Variants in SDK1 observed in about 807,000 individuals in gnomAD.
SDK1 encodes sidekick cell adhesion molecule 1.
A neutral mutation model predicts 245.5 loss-of-function variants in SDK1; 157 were observed. The observed-to-expected ratio is 0.64, with a 90% CI of 0.56 to 0.73. SDK1 has a LOEUF of 0.73. Among genes scored for constraint, SDK1 ranks in the 30% least tolerant of loss-of-function variants. The pLI, the probability that SDK1 is intolerant of heterozygous loss-of-function variation, is 0.00. For synonymous variants in SDK1, 1,647 were observed against 1,278.5 expected, an observed-to-expected ratio of 1.29 and a Z score of -6.15; for missense variants, 3,583 against 3,002.3, an observed-to-expected ratio of 1.19 and a Z score of -4.52.
At chr7:3,660,086 A>T (rs548181835) in intron 4 of SDK1, among the ~76,000 whole-genome samples, 1 of 152,274 alleles carries the variant, frequency 6.6e-6, no homozygotes, top group Admixed American at 6.5e-5. Context: ...CAGACCGGAG[A>T]CAGAATATTG....
intron 2 of SDK1, among the ~76,000 whole-genome samples, chr7:3,619,780 G>A (rs180821513): frequency 2.3e-3 from 357 of 152,350 alleles, no homozygotes; most frequent in Non-Finnish European, 3.6e-3. Context: ...CCAGCACTGT[G>A]CCAGTCACCA....
intron 1 of SDK1, among the ~76,000 whole-genome samples, chr7:3,507,316 T>C (rs1053523316): frequency 4.6e-5 from 7 of 152,248 alleles, no homozygotes; most frequent in African/African-American, 1.7e-4. Context: ...TGCGGATTTC[T>C]GGACCTCTTT....
At chr7:3,820,185 C>G (rs1779609340) in intron 4 of SDK1, among the ~76,000 whole-genome samples, 1 of 152,172 alleles carries the variant, frequency 6.6e-6, no homozygotes, top group South Asian at 2.1e-4. Context: ...GAGTCTTGCT[C>G]TGTCACCAGG....
chr7:3,882,210 C>G (rs1281393548), intron 5 of SDK1, among the ~76,000 whole-genome samples: 1 of 152,036 alleles, frequency 6.6e-6, no homozygotes, highest in African/African-American at 2.4e-5. Context: ...GCCGGTCCCT[C>G]CAAAACACGT....
intron 1 of SDK1, among the ~76,000 whole-genome samples, chr7:3,464,175 A>C (rs569078217): frequency 1.3e-5 from 2 of 152,194 alleles, no homozygotes; most frequent in African/African-American, 2.4e-5. Flanking sequence ...TACATGTTCC[A>C]AGTATATGAA....
In SDK1 at chr7:4,265,330, C is replaced by A. The variant is rs770803179; in HGVS notation, c.6588C>A (p.Thr2196=). The A allele has an allele frequency of 3.4e-6, 5 of 1,479,418 alleles. No homozygotes were observed. The highest frequency in any genetic ancestry group is 4.4e-6 in the Non-Finnish European group (5 of 1,128,734). 91.6% of individuals were successfully genotyped at this position (1,479,418 alleles called of 1,614,324 possible). A position where few individuals can be genotyped will look rare whatever the true frequency, so the allele number is the denominator to read the frequency against. The change falls in exon 45 of 45, where the codon ACC becomes ACA. Residue 2196 remains threonine (T), a synonymous_variant. Transcript: ENST00000404826. ...CGCAGAGCGCGGGCGGCGTCTACAC[C>A]CCCGCTGGCCCCGGCGCGCGAACTC... ...ITTQSAGGVY[T]PAGPGARTPL... is the part of the protein sequence containing the mutation.
At chr7:3,701,655 GC>G (rs1389259834) in intron 4 of SDK1, among the ~76,000 whole-genome samples, 2 of 152,148 alleles carry the variant, frequency 1.3e-5, no homozygotes, top group Admixed American at 1.3e-4. Flanking sequence ...AAGCAAAGGA[GC>G]TGGAATAGGT....
intron 22 of SDK1, among the ~76,000 whole-genome samples, chr7:4,084,662 A>ATAATGT (rs1321619109): frequency 2.1e-5 from 3 of 140,240 alleles, no homozygotes; most frequent in African/African-American, 5.4e-5. Context: ...CCTTAAATGT[A>ATAATGT]TATGTTATGT....
chr7:4,192,651 C>T (rs115658011), intron 35 of SDK1, among the ~76,000 whole-genome samples: 2 of 152,104 alleles, frequency 1.3e-5, no homozygotes, highest in Admixed American at 6.5e-5. Context: ...ATTATGGTAT[C>T]GTAGAAGCAT....
chr7:3,998,117 C>T (rs1784815223), intron 14 of SDK1, among the ~76,000 whole-genome samples: 1 of 152,242 alleles, frequency 6.6e-6, no homozygotes, highest in South Asian at 2.1e-4. Flanking sequence ...ACGACTTGGG[C>T]AGGGCTCCTG....
At chr7:4,048,347 G>A (rs1213637721) in intron 17 of SDK1, among the ~76,000 whole-genome samples, 1 of 152,124 alleles carries the variant, frequency 6.6e-6, no homozygotes, top group Non-Finnish European at 1.5e-5. Flanking sequence ...CCATCCTGAA[G>A]AAGCTAGCCC....
intron 30 of SDK1, among the ~76,000 whole-genome samples, chr7:4,156,561 A>C (rs1780751622): frequency 1.3e-5 from 2 of 152,226 alleles, no homozygotes; most frequent in Admixed American, 1.3e-4. Flanking sequence ...GTGGAAAAGC[A>C]GGCCTTGAGG....
At chr7:3,359,746 A>G (rs899171993) in intron 1 of SDK1, among the ~76,000 whole-genome samples, 2 of 152,140 alleles carry the variant, frequency 1.3e-5, no homozygotes, top group Admixed American at 6.5e-5. Context: ...AGTAATTGTG[A>G]GACGGTATCT....
chr7:3,867,488 C>T (rs948175112), intron 5 of SDK1, among the ~76,000 whole-genome samples: 1 of 152,100 alleles, frequency 6.6e-6, no homozygotes, highest in Non-Finnish European at 1.5e-5. Flanking sequence ...GCTGGGGCGG[C>T]CTCACAATCA....
chr7:3,456,275 T>C (rs1310263346), intron 1 of SDK1, among the ~76,000 whole-genome samples: 1 of 152,202 alleles, frequency 6.6e-6, no homozygotes, highest in African/African-American at 2.4e-5. Flanking sequence ...TTGGGAAATA[T>C]TTAGCCATCA....
intron 4 of SDK1, among the ~76,000 whole-genome samples, chr7:3,770,108 G>C (rs1231411785): frequency 6.6e-6 from 1 of 152,038 alleles, no homozygotes; most frequent in Non-Finnish European, 1.5e-5. Context: ...ATTTATAAAA[G>C]GGCAACAGAA....
At chr7:4,015,959 G>A (rs1198289340) in intron 16 of SDK1, among the ~76,000 whole-genome samples, 4 of 152,202 alleles carry the variant, frequency 2.6e-5, no homozygotes, top group African/African-American at 4.8e-5. Context: ...ACCATTTCTC[G>A]ATTTCCTCAC....
Position 3,982,050 on chromosome 7 carries a change from ACT to A in SDK1, c.1995-5131_1995-5130del, listed in dbSNP as rs1783446555. Among the ~76,000 whole-genome samples, 3 of 152,094 alleles carry A rather than the reference ACT, an allele frequency of 2.0e-5. No individual in the cohort carries two copies. The South Asian group carries it at 6.2e-4, about 32-fold the overall frequency. ...TTTCAAAGCTTCAAAGGGCAGGCTG[ACT>A]CTCTTGTTAGGGGCTAATGGAGCTG... On this transcript the variant is annotated intron_variant, in intron 13 of 44. Transcript: ENST00000404826.
At chr7:3,720,664 A>G (rs1200214517) in intron 4 of SDK1, among the ~76,000 whole-genome samples, 3 of 152,220 alleles carry the variant, frequency 2.0e-5, no homozygotes, top group Non-Finnish European at 4.4e-5. Context: ...TCTAGAAAAT[A>G]GGGAGTTGAG....
Sources: gnomAD v4.1 joint callset for allele counts (sites outside exome capture counted in the v4.1 genomes callset) on GRCh38, gnomAD v4.1.1 for gene constraint, MANE v1.5 for transcripts, NCBI Gene and HGNC (gene_info 2026-07-23, HGNC 2026-07-21) for gene names.